The following LRRC37A2 variants were observed in gnomAD, a reference collection of about 807,000 sequenced individuals.
LRRC37A2 encodes leucine-rich repeat-containing protein 37A2.
In LRRC37A2, 9 loss-of-function variants were observed where a neutral mutation model predicts 68.8. The ratio of observed to expected loss-of-function variants is 0.13; its 90% CI spans 0.08 to 0.23. The LOEUF is 0.23. Ranked by LOEUF, LRRC37A2 falls within the 10% of genes least tolerant of loss-of-function variation. The probability of loss-of-function intolerance (pLI) is 1.00; values close to 1 mark genes in which losing one functional copy is unlikely to be tolerated. For missense variants in LRRC37A2, 168 were observed against 950.4 expected (o/e 0.18, Z 10.82); for synonymous variants, 63 against 367.6 (o/e 0.17, Z 9.48).
the LRRC37A2 span, among the ~76,000 whole-genome samples, chr17:46,742,935 G>A: frequency 1.3e-5 from 2 of 152,288 alleles, no homozygotes; most frequent in Middle Eastern, 3.4e-3. Flanking sequence ...ATGAAGCCAG[G>A]TTAAGTGATA....
the LRRC37A2 span, among the ~76,000 whole-genome samples, chr17:46,783,714 A>G: frequency 3.3e-5 from 5 of 152,162 alleles, no homozygotes; most frequent in Non-Finnish European, 7.4e-5. Context: ...TGGAGCAGCT[A>G]CCGAGCTGGA....
At chr17:46,929,388 T>TA in the LRRC37A2 span, 9 of 701,968 alleles carry the variant, frequency 1.3e-5, no homozygotes, top group African/African-American at 1.6e-4. Context: ...AAGTGCCACA[T>TA]ACAAATTTTA....
the LRRC37A2 span, among the ~76,000 whole-genome samples, chr17:46,635,777 A>ATGTGTGTGTGTGTGTGTGTG: frequency 2.1e-3 from 246 of 116,734 alleles, 2 homozygotes; most frequent in East Asian, 5.5e-3. Context: ...GGGAAAATAA[A>ATGTGTGTGTGTGTGTGTGTG]TGTGTGTGTG....
chr17:46,953,025 T>G, the LRRC37A2 span, among the ~76,000 whole-genome samples: 1 of 152,010 alleles, frequency 6.6e-6, no homozygotes, highest in Non-Finnish European at 1.5e-5. Context: ...TGTTTTTAAA[T>G]TTTATTATTA....
chr17:46,876,491 T>A, the LRRC37A2 span: 3 of 1,613,612 alleles, frequency 1.9e-6, no homozygotes, highest in Non-Finnish European at 2.5e-6. Context: ...GGACCTGGTG[T>A]ACATGGAGGA....
chr17:46,816,676 C>A, the LRRC37A2 span, among the ~76,000 whole-genome samples: 4 of 150,242 alleles, frequency 2.7e-5, no homozygotes, highest in East Asian at 7.9e-4. Context: ...CCCCAAGATA[C>A]CATTTCACAC....
chr17:46,802,740 G>A, the LRRC37A2 span, among the ~76,000 whole-genome samples: 5 of 152,198 alleles, frequency 3.3e-5, no homozygotes, highest in South Asian at 2.1e-4. Context: ...TCCGGATAGC[G>A]GAACACGTGG....
chr17:47,026,655 C>G, the LRRC37A2 span, among the ~76,000 whole-genome samples: 1 of 152,128 alleles, frequency 6.6e-6, no homozygotes, highest in Non-Finnish European at 1.5e-5. Flanking sequence ...GAGGGAGGGA[C>G]AAACTCCATC....
At chr17:46,990,727 G>A in the LRRC37A2 span, among the ~76,000 whole-genome samples, 1 of 151,884 alleles carries the variant, frequency 6.6e-6, no homozygotes, top group Non-Finnish European at 1.5e-5. Context: ...CTAGAGTGCA[G>A]TGGCACGATC....
the LRRC37A2 span, among the ~76,000 whole-genome samples, chr17:46,882,505 G>A: frequency 1.2e-3 from 180 of 151,748 alleles, no homozygotes; most frequent in African/African-American, 4.3e-3. Context: ...GTGCGATCTC[G>A]GCTCACAGCA....
the LRRC37A2 span, among the ~76,000 whole-genome samples, chr17:46,849,714 A>G: frequency 2.6e-5 from 4 of 152,224 alleles, no homozygotes; most frequent in Non-Finnish European, 5.9e-5. Context: ...AGGCACAGAG[A>G]TCAACAGATG....
the LRRC37A2 span, among the ~76,000 whole-genome samples, chr17:47,048,283 T>C: frequency 6.6e-6 from 1 of 151,726 alleles, no homozygotes; most frequent in African/African-American, 2.4e-5. Flanking sequence ...AAAATACTTT[T>C]AATTCTGGAA....
the LRRC37A2 span, chr17:46,923,908 G>A: frequency 1.3e-5 from 5 of 398,224 alleles, no homozygotes; most frequent in South Asian, 1.3e-4. Context: ...TTTTGGGGGC[G>A]GGGGGCAGAA....
the LRRC37A2 span, among the ~76,000 whole-genome samples, chr17:46,814,577 CATCT>C: frequency 1.3e-5 from 2 of 152,062 alleles, 1 homozygote; most frequent in Admixed American, 1.3e-4. Context: ...GGTATCTGCC[CATCT>C]GTCTGTCTGT....
At chr17:46,722,224 A>G in the LRRC37A2 span, 2 of 1,385,544 alleles carry the variant, frequency 1.4e-6, no homozygotes, top group South Asian at 2.3e-5. Context: ...AAATCTCGCG[A>G]GAGCACGTCA....
chr17:46,950,105 T>C, the LRRC37A2 span, among the ~76,000 whole-genome samples: 5 of 152,254 alleles, frequency 3.3e-5, no homozygotes, highest in African/African-American at 1.2e-4. Context: ...GAGAACCCAC[T>C]TTCATATCAT....
chr17:46,978,480 C>A, the LRRC37A2 span: 119 of 760,850 alleles, frequency 1.6e-4, no homozygotes, highest in African/African-American at 2.0e-3. Context: ...CGTCCAAGTC[C>A]CTTCCCGCGC....
chr17:46,845,594 A>G, the LRRC37A2 span, among the ~76,000 whole-genome samples: 1 of 147,440 alleles, frequency 6.8e-6, no homozygotes, highest in Non-Finnish European at 1.5e-5. Flanking sequence ...GGTTCAAACG[A>G]TTTTCCTGCC....
chr17:46,813,717 C>T, the LRRC37A2 span, among the ~76,000 whole-genome samples: 1 of 152,166 alleles, frequency 6.6e-6, no homozygotes, highest in Non-Finnish European at 1.5e-5. Flanking sequence ...CTTTCCTGTG[C>T]CATCCCCTGG....
Sources: gnomAD v4.1 joint callset for allele counts (sites outside exome capture counted in the v4.1 genomes callset) on GRCh38, gnomAD v4.1.1 for gene constraint, MANE v1.5 for transcripts, NCBI Gene and HGNC (gene_info 2026-07-23, HGNC 2026-07-21) for gene names.